EXOC6: variants seen among roughly 807,000 people sequenced by gnomAD.
EXOC6 encodes the protein exocyst complex component 6, also known as SEC15-like 1.
Under a neutral mutation model 112.5 loss-of-function variants are expected in EXOC6, and 60 were observed. The observed-to-expected ratio is 0.53, with a 90% CI of 0.43 to 0.66. The LOEUF (loss-of-function observed/expected upper bound fraction) is 0.66, where lower values mean the gene tolerates loss of function less well. EXOC6 is among the 30% of genes least tolerant of loss of function. The pLI is 0.00. For missense variants in EXOC6, 855 were observed against 957.1 expected (o/e 0.89, Z 1.41); for synonymous variants, 295 against 308.0 (o/e 0.96, Z 0.44).
At position 92,848,591 on chromosome 10, in the gene EXOC6, G is replaced by A; in HGVS notation, c.58G>A (p.Glu20Lys). ...CCCCGAGCACGAGCGGATCTTGCAG[G>A]AGATCGAGAGCACCGACACCGCCTG... Reference protein sequence around the residue: ...TVPEHERILQEIESTDTACVG... With the variant: ...TVPEHERILQKIESTDTACVG... Residue 20 changes from glutamate (E) to lysine (K), a missense_variant, in exon 1 of 22, where the codon GAG (glutamate) becomes AAG (lysine). This residue lies in a region of EXOC6 where 405 missense variants were observed against 393.6 expected (regional missense o/e 1.03). Transcript: ENST00000260762. 6.9e-7 allele frequency: 1 copy of A among 1,454,502 alleles called. No homozygotes were observed. Among genetic ancestry groups the A allele is most frequent in the Non-Finnish European group, 9.2e-7 (1 of 1,086,740 alleles). The allele number at this position is 1,454,502 out of a possible 1,614,324, so 90.1% of individuals were successfully genotyped here.
At chr10:92,918,509 T>G (rs1057378631) in intron 7 of EXOC6, among the ~76,000 whole-genome samples, 1 of 151,974 alleles carries the variant, frequency 6.6e-6, no homozygotes. Flanking sequence ...CAAACTCTTA[T>G]GTTCAAATGC....
chr10:93,020,177 C>G (rs991960147), intron 20 of EXOC6, among the ~76,000 whole-genome samples: 5 of 152,022 alleles, frequency 3.3e-5, no homozygotes, highest in African/African-American at 1.2e-4. Flanking sequence ...TAGAACAAAT[C>G]CTAAATTCTT....
rs76145881 is a variant in EXOC6, at chr10:93,054,533, C to T, written c.2170-2391C>T. 4.6e-3 allele frequency among the ~76,000 whole-genome samples: 701 copies of T among 152,294 alleles called. 8 individuals are homozygous for T. Among genetic ancestry groups the T allele is most frequent in the African/African-American group, 0.016 (669 of 41,552 alleles). ...AATTTTGTGGTTCCTGTAATTTCTG[C>T]GGATTTGCACATAAGAGATTTGCAT... On this transcript the variant is annotated intron_variant, in intron 20 of 21. Coordinates refer to ENST00000260762, the MANE Select transcript of EXOC6 (RefSeq NM_019053.6).
At chr10:92,987,562 T>A (rs1278367674) in intron 18 of EXOC6, 1 of 885,364 alleles carries the variant, frequency 1.1e-6, no homozygotes, top group African/African-American at 1.8e-5. Flanking sequence ...CTGCTGTGAT[T>A]AGAATACATT....
intron 1 of EXOC6, among the ~76,000 whole-genome samples, chr10:92,857,606 G>A (rs1322230463): frequency 6.6e-6 from 1 of 151,990 alleles, no homozygotes; most frequent in South Asian, 2.1e-4. Flanking sequence ...CATCCTTTGT[G>A]TTGTGATTGT....
At chr10:92,934,256 C>G in intron 10 of EXOC6, 54 bp from the exon 11 acceptor site, 2 of 1,527,474 alleles carry the variant, frequency 1.3e-6, no homozygotes, top group East Asian at 2.3e-5. Flanking sequence ...GAAATACTTA[C>G]TTTCTATTAG....
At chr10:92,980,495 C>A (rs1842787826) in intron 18 of EXOC6, among the ~76,000 whole-genome samples, 1 of 152,000 alleles carries the variant, frequency 6.6e-6, no homozygotes, top group African/African-American at 2.4e-5. Context: ...AAACTTTTTT[C>A]ACTTTTTTTC....
At position 92,848,551 on chromosome 10, in the gene EXOC6, G is replaced by A. The variant is rs151243420; in HGVS notation, c.18G>A (p.Glu6=). 1 of 1,424,830 alleles carries A rather than the reference G, an allele frequency of 7.0e-7. No individual in the cohort carries two copies. The highest frequency in any genetic ancestry group is 9.4e-7 in the Non-Finnish European group (1 of 1,069,414). The allele number at this position is 1,424,830 out of a possible 1,614,324, so 88.3% of individuals were successfully genotyped here. ...CAGCCAAAATGGCGGAGAACAGCGAGAGTCTGGGCACCGTCCCCGAGCACG... is the reference window on the plus strand; with the variant it reads ...CAGCCAAAATGGCGGAGAACAGCGAAAGTCTGGGCACCGTCCCCGAGCACG... The part of the protein sequence containing the change: MAENS[E]SLGTVPEHER... The change falls in exon 1 of 22, where the codon GAG becomes GAA. Residue 6 remains glutamate, a synonymous_variant. Transcript: ENST00000260762.
At position 93,046,621 on chromosome 10, in the gene EXOC6, G is replaced by A. The variant is rs532192799; in HGVS notation, c.2170-10303G>A. On this transcript the variant is annotated intron_variant, in intron 20 of 21. Coordinates refer to ENST00000260762, the MANE Select transcript of EXOC6 (RefSeq NM_019053.6). Reference sequence around the variant, plus strand: ...TTCCTTTTTTTTTTTTTATGAGACCGAGTTTTGTTCTTGTCACCCAGGTTG... The same window carrying A: ...TTCCTTTTTTTTTTTTTATGAGACCAAGTTTTGTTCTTGTCACCCAGGTTG... Among the ~76,000 whole-genome samples the A allele has an allele frequency of 5.8e-4, 87 of 149,194 alleles. No individual in the cohort carries two copies. In the South Asian group the frequency reaches 9.3e-3, roughly 16 times the overall value.
At chr10:92,842,977 C>T (rs193180683) in intron 1 of EXOC6, among the ~76,000 whole-genome samples, 1 of 152,248 alleles carries the variant, frequency 6.6e-6, no homozygotes. Context: ...ACACCATGAG[C>T]CAGCCCTGTC....
intron 17 of EXOC6, among the ~76,000 whole-genome samples, chr10:92,960,648 A>G (rs567318867): frequency 7.3e-5 from 11 of 150,908 alleles, no homozygotes; most frequent in African/African-American, 2.7e-4. Context: ...GAAATAAAGC[A>G]TTACTAGCAC....
chr10:93,042,113 A>T (rs1845806870), intron 20 of EXOC6, among the ~76,000 whole-genome samples: 2 of 152,178 alleles, frequency 1.3e-5, no homozygotes, highest in South Asian at 4.1e-4. Context: ...AGCCTGTCTT[A>T]TACTACCCCC....
At chr10:92,875,397 C>T (rs1187635340) in intron 1 of EXOC6, among the ~76,000 whole-genome samples, 1 of 152,090 alleles carries the variant, frequency 6.6e-6, no homozygotes, top group East Asian at 1.9e-4. Context: ...TGTCTGGATT[C>T]TTATAGCATG....
chr10:92,883,648 G>A (rs1011510170), intron 1 of EXOC6, among the ~76,000 whole-genome samples: 2 of 152,016 alleles, frequency 1.3e-5, no homozygotes, highest in Non-Finnish European at 2.9e-5. Flanking sequence ...TTGAAGAACT[G>A]GTGAAATAAT....
chr10:92,852,304 A>C (rs1589698123), intron 1 of EXOC6, among the ~76,000 whole-genome samples: 1 of 152,238 alleles, frequency 6.6e-6, no homozygotes, highest in Non-Finnish European at 1.5e-5. Flanking sequence ...AGGAAGAATT[A>C]ATGCCAATTC....
chr10:92,831,275 A>G, upstream of EXOC6: 1 of 1,272,424 alleles, frequency 7.9e-7, no homozygotes, highest in South Asian at 1.2e-5. Context: ...CCAGGACAGA[A>G]GACCTTGAAT....
intron 20 of EXOC6, among the ~76,000 whole-genome samples, chr10:93,023,335 A>C (rs1475100208): frequency 1.3e-5 from 2 of 152,192 alleles, no homozygotes; most frequent in African/African-American, 4.8e-5. Context: ...TTGGGACTCT[A>C]TGAGAGACTA....
At chr10:92,925,900 C>T (rs1400773241) in intron 8 of EXOC6, among the ~76,000 whole-genome samples, 1 of 152,050 alleles carries the variant, frequency 6.6e-6, no homozygotes, top group Non-Finnish European at 1.5e-5. Flanking sequence ...TGGCCTTGAG[C>T]AATCCTCTGA....
intron 20 of EXOC6, among the ~76,000 whole-genome samples, chr10:93,040,580 A>T (rs933140216): frequency 3.9e-5 from 6 of 152,192 alleles, no homozygotes; most frequent in Non-Finnish European, 7.3e-5. Context: ...AAAACATTTT[A>T]GCTATTTCCA....
Sources: allele counts gnomAD v4.1 joint callset (sites outside exome capture counted in the v4.1 genomes callset), GRCh38; gene constraint gnomAD v4.1.1; regional missense constraint gnomAD v4.1.1; transcripts MANE v1.5; gene names NCBI Gene and HGNC (gene_info 2026-07-23, HGNC 2026-07-21).